The following ANO7 variants were observed in gnomAD, a reference collection of about 807,000 sequenced individuals.
ANO7 encodes the protein anoctamin 7.
A neutral mutation model predicts 115.8 loss-of-function variants in ANO7; 114 were observed. The observed-to-expected ratio is 0.98, with a 90% CI of 0.85 to 1.15. The LOEUF (loss-of-function observed/expected upper bound fraction) is 1.15, where lower values mean the gene tolerates loss of function less well. ANO7 is among the 50% of genes most tolerant of loss of function. The pLI, the probability that ANO7 is intolerant of heterozygous loss-of-function variation, is 0.00. For missense variants in ANO7, 1,302 were observed against 1,201.2 expected (o/e 1.08, Z -1.24); for synonymous variants, 550 against 498.2 (o/e 1.10, Z -1.38).
At chr2:241,200,839 C>A (rs2068453629) in intron 6 of ANO7, among the ~76,000 whole-genome samples, 1 of 152,232 alleles carries the variant, frequency 6.6e-6, no homozygotes, top group African/African-American at 2.4e-5. Flanking sequence ...CTATGGCTTC[C>A]CAAGATTCTG....
At chr2:241,216,031 C>G in intron 18 of ANO7, 62 bp from the exon 19 acceptor site, 1 of 1,544,048 alleles carries the variant, frequency 6.5e-7, no homozygotes, top group Admixed American at 2.0e-5. Flanking sequence ...CCCCCAAGGA[C>G]TATAGCAGCC....
the ANO7 span, chr2:241,235,106 C>T: frequency 6.2e-7 from 1 of 1,610,722 alleles, no homozygotes; most frequent in East Asian, 2.2e-5. Flanking sequence ...AGTGCCCCGG[C>T]CACCTCCTGC....
downstream of ANO7, chr2:241,230,000 A>G (rs780667008): frequency 6.4e-7 from 1 of 1,556,814 alleles, no homozygotes; most frequent in Non-Finnish European, 8.7e-7. Context: ...CAGTCTGCCC[A>G]GCACCCCCAG....
intron 21 of ANO7, 100 bp downstream of exon 21, chr2:241,218,481 G>A (rs1284612929): frequency 1.2e-5 from 14 of 1,135,502 alleles, no homozygotes; most frequent in Non-Finnish European, 1.5e-5. Flanking sequence ...GCCGGGAGGG[G>A]CGGGCGCCGC....
intron 9 of ANO7, among the ~76,000 whole-genome samples, chr2:241,204,080 G>A (rs984195971): frequency 6.6e-5 from 10 of 152,328 alleles, no homozygotes; most frequent in South Asian, 4.1e-4. Flanking sequence ...CCAGGGCAGC[G>A]GGCGGGGCCG....
At chr2:241,220,132 T>C (rs899998091) in intron 21 of ANO7, among the ~76,000 whole-genome samples, 1 of 152,258 alleles carries the variant, frequency 6.6e-6, no homozygotes, top group Non-Finnish European at 1.5e-5. Flanking sequence ...ATGTATTGCC[T>C]TCTCCGAGTC....
downstream of ANO7, among the ~76,000 whole-genome samples, chr2:241,226,142 C>T (rs994437077): frequency 6.6e-6 from 1 of 151,928 alleles, no homozygotes; most frequent in African/African-American, 2.4e-5. Context: ...CCTCTCCCAT[C>T]CAGGGCCCTG....
In ANO7 at chr2:241,203,186, T is replaced by G; in HGVS notation, c.724-147T>G. On this transcript the variant is annotated intron_variant, in intron 8 of 24. Transcript: ENST00000674324. The surrounding 1 kb of genome is among the most constrained non-coding windows in gnomAD (Gnocchi z 4.8). ...TCCCGGACCACCCTGTACCCACCCC[T>G]CCACATTACTCTATTTTTTCTTCAT... 18 of 407,660 alleles carry G rather than the reference T, an allele frequency of 4.4e-5. No individual in the cohort carries two copies. Among genetic ancestry groups the G allele is most frequent in the East Asian group, 5.5e-5 (1 of 18,280 alleles). 25.3% of individuals were successfully genotyped at this position (407,660 alleles called of 1,614,324 possible). A position where few individuals can be genotyped will look rare whatever the true frequency, so the allele number is the denominator to read the frequency against.
At position 241,209,437 on chromosome 2, in the gene ANO7, C is replaced by G; in HGVS notation, c.1221+9C>G. The G allele has an allele frequency of 1.3e-6, 2 of 1,596,898 alleles. No individual in the cohort carries two copies. The highest frequency in any genetic ancestry group is 4.6e-5 in the East Asian group (2 of 43,926). ...ACTACGAGGACACTGAGGTGAGCCA[C>G]CCCCGCTGGACCACGGTCACACCCG... On this transcript the variant is annotated intron_variant, in intron 12 of 24. Transcript: ENST00000674324.
intron 10 of ANO7, among the ~76,000 whole-genome samples, chr2:241,205,207 ACAGGAGTGCTCCCAAACTGACAGGTGGT>A: frequency 7.0e-6 from 1 of 143,722 alleles, no homozygotes; most frequent in African/African-American, 2.6e-5. Context: ...TGACAGGTGG[ACAGGAGTGCTCCCAAACTGACAGGTGGT>A]CAGGAGCACT....
downstream of ANO7, among the ~76,000 whole-genome samples, chr2:241,226,868 C>T (rs114549516): frequency 5.4e-3 from 825 of 152,300 alleles, 11 homozygotes; most frequent in African/African-American, 0.018. Context: ...TCCCACTCAA[C>T]GCCCCTCCCT....
At chr2:241,198,869 C>T (rs1421729960) in intron 4 of ANO7, among the ~76,000 whole-genome samples, 1 of 152,258 alleles carries the variant, frequency 6.6e-6, no homozygotes, top group Non-Finnish European at 1.5e-5. Flanking sequence ...TGTACACACA[C>T]ATACACACGG....
At chr2:241,218,547 G>A (rs975126684) in intron 21 of ANO7, among the ~76,000 whole-genome samples, 166 bp downstream of exon 21, 2 of 152,018 alleles carry the variant, frequency 1.3e-5, no homozygotes, top group African/African-American at 2.4e-5. Context: ...GGGCTGGGGG[G>A]AGGTTCCCCG....
Position 241,203,370 on chromosome 2 carries a change from C to T in ANO7, c.761C>T (p.Pro254Leu), listed in dbSNP as rs1574771371. The change falls in exon 9 of 25, where the codon CCA becomes CTA. Residue 254 changes from proline (P) to leucine (L), a missense_variant. Coordinates refer to ENST00000674324, the MANE Select transcript of ANO7 (RefSeq NM_001370694.2). The surrounding 1 kb of genome is among the most constrained non-coding windows in gnomAD (Gnocchi z 4.8). ...ACGCCCCCAGAGGGCCCGCAGGCTC[C>T]ACGCCTCAACCAGCGCCAAGTCCTT... ...FKTPPEGPQA[P>L]RLNQRQVLFQ... 1.3e-6 allele frequency: 2 copies of T among 1,595,782 alleles called. No homozygotes were observed. Among genetic ancestry groups the T allele is most frequent in the Non-Finnish European group, 1.7e-6 (2 of 1,172,236 alleles).
chr2:241,191,213 C>G lies in ANO7; in HGVS notation c.128C>G (p.Ala43Gly). ...HASEPGGQQA[A>G]ACRAGSPAKP... ...TTCCAGCCAGGTGGACAGCAAGCGGCCGCCTGCAGAGCTGGGAGTCCTGCC... is the reference window on the plus strand; with the variant it reads ...TTCCAGCCAGGTGGACAGCAAGCGGGCGCCTGCAGAGCTGGGAGTCCTGCC... The change falls in exon 3 of 25, where the codon GCC becomes GGC. Residue 43 changes from alanine to glycine, a missense_variant. Physicochemically the swap from Ala to Gly is moderately conservative, Grantham distance 60. Coordinates refer to ENST00000674324, the MANE Select transcript of ANO7 (RefSeq NM_001370694.2). 1 of 1,613,798 alleles carries G rather than the reference C, an allele frequency of 6.2e-7. No individual in the cohort carries two copies. Among genetic ancestry groups the G allele is most frequent in the Non-Finnish European group, 8.5e-7 (1 of 1,179,874 alleles).
chr2:241,229,800 T>TG (rs764162051), downstream of ANO7: 1 of 310,040 alleles, frequency 3.2e-6, no homozygotes, highest in South Asian at 2.0e-5. Context: ...CCACCCTCCC[T>TG]GGGACCCAGG....
In ANO7 at chr2:241,188,764, C is replaced by T. The variant is rs759368956; in HGVS notation, c.-10C>T. 6.2e-6 allele frequency: 10 copies of T among 1,612,686 alleles called. No homozygotes were observed. In the Admixed American group the frequency reaches 1.7e-4, roughly 27 times the overall value. ...AGACCTCTTCCGGAAGCCACTGTGCCAGGTGGGGACCCAGCCTAGACGTGT... is the reference window on the plus strand; with the variant it reads ...AGACCTCTTCCGGAAGCCACTGTGCTAGGTGGGGACCCAGCCTAGACGTGT... On this transcript the variant is annotated splice_region_variant and 5_prime_UTR_variant, in exon 1 of 25. Coordinates refer to ENST00000674324, the MANE Select transcript of ANO7 (RefSeq NM_001370694.2). The surrounding 1 kb of genome is among the most constrained non-coding windows in gnomAD (Gnocchi z 4.3).
At chr2:241,229,198 G>T, downstream of ANO7, 1 of 206,586 alleles carries the variant, frequency 4.8e-6, no homozygotes, top group South Asian at 7.0e-5. Flanking sequence ...GGTGGGAAAG[G>T]AAGAGGGCAA....
chr2:241,221,281 G>T (rs1411253284), intron 21 of ANO7, among the ~76,000 whole-genome samples: 1 of 151,798 alleles, frequency 6.6e-6, no homozygotes, highest in Non-Finnish European at 1.5e-5. Context: ...TCACCATGTG[G>T]GCAAAGCTGG....
Sources: gnomAD v4.1 joint callset for allele counts (sites outside exome capture counted in the v4.1 genomes callset) on GRCh38, gnomAD v4.1.1 for gene constraint, Gnocchi (gnomAD v3.1) non-coding constraint, MANE v1.5 for transcripts, NCBI Gene and HGNC (gene_info 2026-07-23, HGNC 2026-07-21) for gene names.